Variants in CADM2 observed in about 807,000 individuals in gnomAD.
CADM2 encodes the protein immunoglobulin superfamily member 4D.
A neutral mutation model predicts 49.8 loss-of-function variants in CADM2; 12 were observed. The ratio of observed to expected loss-of-function variants is 0.24; its 90% confidence interval spans 0.15 to 0.39. CADM2 has a LOEUF of 0.39. Among genes scored for constraint, CADM2 ranks in the 10% least tolerant of loss-of-function variants. The probability of loss-of-function intolerance (pLI) is 1.00; values close to 1 mark genes in which losing one functional copy is unlikely to be tolerated. For synonymous variants in CADM2, 214 were observed against 175.4 expected (o/e 1.22, Z -1.74); for missense variants, 378 against 492.3 (o/e 0.77, Z 2.20).
intron 2 of CADM2, among the ~76,000 whole-genome samples, chr3:85,746,365 T>G (rs1412864072): frequency 6.6e-6 from 1 of 152,164 alleles, no homozygotes; most frequent in East Asian, 1.9e-4. Context: ...AAGCCCTGTG[T>G]GTTTTTCTCC....
chr3:85,178,823 G>A (rs540102105), intron 1 of CADM2, among the ~76,000 whole-genome samples: 170 of 151,638 alleles, frequency 1.1e-3, no homozygotes, highest in African/African-American at 4.0e-3. Flanking sequence ...GACTGAGTAC[G>A]TTTACTTCTG....
intron 1 of CADM2, among the ~76,000 whole-genome samples, chr3:85,167,611 C>A (rs968452543): frequency 1.8e-4 from 27 of 152,076 alleles, no homozygotes; most frequent in Middle Eastern, 3.2e-3. Flanking sequence ...TTAGCTTAAT[C>A]TAAAATGAAT....
chr3:85,922,191 T>TC lies in CADM2; in HGVS notation c.700+9648_700+9649insC, dbSNP rs556561332. Among the ~76,000 whole-genome samples the TC allele has an allele frequency of 3.0e-4, 46 of 152,076 alleles. No individual in the cohort carries two copies. The South Asian group carries it at 9.1e-3, about 30-fold the overall frequency. Reference sequence around the variant, plus strand: ...TTCTTCCTCTTTCCCCTTCTTTCTCTTTCCTTCTCCTTCTTCCCCTTCTTT... The same window carrying TC: ...TTCTTCCTCTTTCCCCTTCTTTCTCTCTTCCTTCTCCTTCTTCCCCTTCTTT... On this transcript the variant is annotated intron_variant, in intron 6 of 9. Transcript: ENST00000383699.
At chr3:85,010,060 A>C (rs1312290294) in intron 1 of CADM2, among the ~76,000 whole-genome samples, 1 of 152,062 alleles carries the variant, frequency 6.6e-6, no homozygotes, top group Non-Finnish European at 1.5e-5. Context: ...AAATCCACTA[A>C]TCATATTCAT....
At chr3:85,270,665 T>A (rs555712289) in intron 1 of CADM2, among the ~76,000 whole-genome samples, 14 of 151,116 alleles carry the variant, frequency 9.3e-5, no homozygotes, top group Admixed American at 1.3e-4. Context: ...TCAACCCTAA[T>A]GTAAACCTAG....
chr3:85,340,456 A>G (rs2045210066), intron 1 of CADM2, among the ~76,000 whole-genome samples: 1 of 151,558 alleles, frequency 6.6e-6, no homozygotes, highest in Non-Finnish European at 1.5e-5. Context: ...GTGTGTACAT[A>G]TATATGTGCA....
intron 1 of CADM2, among the ~76,000 whole-genome samples, chr3:85,442,977 A>G (rs576203036): frequency 6.6e-6 from 1 of 152,106 alleles, no homozygotes; most frequent in East Asian, 1.9e-4. Flanking sequence ...ATACAGGTAT[A>G]CTAAAAAGTT....
chr3:85,378,292 T>G (rs2033707818), intron 1 of CADM2, among the ~76,000 whole-genome samples: 1 of 152,002 alleles, frequency 6.6e-6, no homozygotes, highest in Non-Finnish European at 1.5e-5. Flanking sequence ...TATATTTATC[T>G]TCCTCAAGGA....
intron 1 of CADM2, among the ~76,000 whole-genome samples, chr3:85,201,441 G>T (rs187139555): frequency 6.6e-6 from 1 of 152,314 alleles, no homozygotes; most frequent in East Asian, 1.9e-4. Context: ...TATTTTGGCT[G>T]TTGGAAAGTC....
chr3:85,312,831 T>C (rs1176361566), intron 1 of CADM2, among the ~76,000 whole-genome samples: 3 of 152,202 alleles, frequency 2.0e-5, no homozygotes, highest in Admixed American at 6.5e-5. Context: ...ACATTATTAA[T>C]AAATATTGTC....
intron 8 of CADM2, among the ~76,000 whole-genome samples, chr3:85,965,736 A>G (rs963268911): frequency 2.6e-5 from 4 of 151,618 alleles, no homozygotes; most frequent in Non-Finnish European, 4.4e-5. Flanking sequence ...GTCTTCAAGC[A>G]GAAACTACCC....
At chr3:85,141,179 T>C (rs1389210899) in intron 1 of CADM2, among the ~76,000 whole-genome samples, 1 of 152,132 alleles carries the variant, frequency 6.6e-6, no homozygotes, top group Non-Finnish European at 1.5e-5. Context: ...GTGAGAAGCA[T>C]TACAGTTTTC....
At chr3:85,672,862 A>C (rs574870567) in intron 1 of CADM2, among the ~76,000 whole-genome samples, 1 of 152,284 alleles carries the variant, frequency 6.6e-6, no homozygotes, top group Non-Finnish European at 1.5e-5. Flanking sequence ...TAACCATCTA[A>C]ATTGAATCTG....
At chr3:86,042,737 G>C (rs983784096) in intron 8 of CADM2, among the ~76,000 whole-genome samples, 1 of 152,106 alleles carries the variant, frequency 6.6e-6, no homozygotes, top group South Asian at 2.1e-4. Context: ...TATGAGGCCA[G>C]CATCATCCTG....
chr3:85,462,359 A>G (rs1353099164), intron 1 of CADM2, among the ~76,000 whole-genome samples: 4 of 152,142 alleles, frequency 2.6e-5, no homozygotes, highest in Admixed American at 6.5e-5. Flanking sequence ...GCACACCAAG[A>G]CTATGACAAT....
chr3:85,705,413 T>C (rs1269403789), intron 1 of CADM2, among the ~76,000 whole-genome samples: 1 of 152,152 alleles, frequency 6.6e-6, no homozygotes, highest in East Asian at 1.9e-4. Context: ...TTGTTCAAGT[T>C]CACATTAGTA....
chr3:85,590,512 A>C (rs1341497680), intron 1 of CADM2, among the ~76,000 whole-genome samples: 1 of 152,010 alleles, frequency 6.6e-6, no homozygotes, highest in Non-Finnish European at 1.5e-5. Context: ...TGAAAGCAAG[A>C]CTGTTGGAAG....
chr3:86,006,382 T>TA (rs1383006957), intron 8 of CADM2, among the ~76,000 whole-genome samples: 1 of 152,144 alleles, frequency 6.6e-6, no homozygotes, highest in Non-Finnish European at 1.5e-5. Context: ...TAGAAGTACA[T>TA]ATGTCTTGGT....
intron 1 of CADM2, among the ~76,000 whole-genome samples, chr3:85,029,723 G>A (rs192155988): frequency 5.7e-4 from 86 of 152,212 alleles, no homozygotes; most frequent in African/African-American, 2.0e-3. Context: ...TAACTCTTCA[G>A]ATCCATTCTC....
Sources: allele counts gnomAD v4.1 joint callset (sites outside exome capture counted in the v4.1 genomes callset), GRCh38; gene constraint gnomAD v4.1.1; transcripts MANE v1.5; gene names NCBI Gene and HGNC (gene_info 2026-07-23, HGNC 2026-07-21).